The following DYNC1H1 variants were observed in gnomAD, a reference collection of about 807,000 sequenced individuals.
DYNC1H1 encodes the protein dynein cytoplasmic 1 heavy chain 1.
DYNC1H1 carries 51 observed loss-of-function variants against 527.1 expected under a neutral mutation model. The observed-to-expected ratio is 0.10, with a 90% confidence interval of 0.08 to 0.12. The LOEUF is 0.12. Ranked by LOEUF, DYNC1H1 falls within the 10% of genes least tolerant of loss-of-function variation. DYNC1H1 has a pLI of 1.00. For missense variants in DYNC1H1, 2,771 were observed against 5,971.8 expected (o/e 0.46, Z 17.66); for synonymous variants, 2,189 against 2,278.8 (o/e 0.96, Z 1.12).
rs2152589085 is a variant in DYNC1H1 at position 102,027,538 on chromosome 14, T to C, written c.9042T>C (p.Asn3014=). The part of the protein sequence containing the change: ...FLERMNTLLA[N]GEVPGLFEGD... ...AGCGAATGAATACCCTTCTGGCCAA[T>C]GGAGAGGTAATTAGGTGACGTGTTG... The change falls in exon 46 of 78, where the codon AAT becomes AAC. Residue 3014 remains asparagine (N), a synonymous_variant. Coordinates refer to ENST00000360184, the MANE Select transcript of DYNC1H1 (RefSeq NM_001376.5). This position sits in a 1 kb window ranked among gnomAD's most constrained non-coding sequence, Gnocchi z 7.7. The C allele has an allele frequency of 1.2e-6, 2 of 1,614,108 alleles. No individual in the cohort carries two copies. Among genetic ancestry groups the C allele is most frequent in the African/African-American group, 1.3e-5 (1 of 75,020 alleles).
At chr14:102,026,042 G>A (rs1384452066) in intron 43 of DYNC1H1, among the ~76,000 whole-genome samples, 6 of 151,424 alleles carry the variant, frequency 4.0e-5, no homozygotes. Context: ...TTGAACCCAG[G>A]AGGCGGAGGT....
In DYNC1H1 at chr14:102,018,812, C is replaced by T. The variant is rs540288075; in HGVS notation, c.8343+196C>T. On this transcript the variant is annotated intron_variant, in intron 41 of 77. Transcript: ENST00000360184. The surrounding 1 kb of genome is among the most constrained non-coding windows in gnomAD (Gnocchi z 5.2). ...CCTGTCTCTACAAAAAATAGGTGGG[C>T]GTGGTGGTGCATGCTTGTAATGTCA... Among the ~76,000 whole-genome samples the T allele has an allele frequency of 1.8e-4, 28 of 152,080 alleles. No individual in the cohort carries two copies. Among genetic ancestry groups the T allele is most frequent in the African/African-American group, 4.3e-4 (18 of 41,476 alleles).
At position 102,044,757 on chromosome 14, in the gene DYNC1H1, G is replaced by C; in HGVS notation, c.13006+59G>C. 1 of 1,584,836 alleles carries C rather than the reference G, an allele frequency of 6.3e-7. No homozygotes were observed. The highest frequency in any genetic ancestry group is 8.6e-7 in the Non-Finnish European group (1 of 1,158,278). On this transcript the variant is annotated intron_variant, in intron 72 of 77. Coordinates refer to ENST00000360184, the MANE Select transcript of DYNC1H1 (RefSeq NM_001376.5). This position sits in a 1 kb window ranked among gnomAD's most constrained non-coding sequence, Gnocchi z 7.1. Reference sequence around the variant, plus strand: ...GGGTGGCGAGGGTCCCCTCACGCGGGGTGGGTGGCGAGGGTCCCCACACGC... The same window carrying C: ...GGGTGGCGAGGGTCCCCTCACGCGGCGTGGGTGGCGAGGGTCCCCACACGC...
At position 102,042,326 on chromosome 14, in the gene DYNC1H1, C is replaced by T. The variant is rs199781611; in HGVS notation, c.12275+38C>T. On this transcript the variant is annotated intron_variant, in intron 67 of 77. Transcript: ENST00000360184. This position sits in a 1 kb window ranked among gnomAD's most constrained non-coding sequence, Gnocchi z 5.7. ...TCTTTGGCTGAAGAAAGCCTTAGTCCCCAGGCATTCAGGCAGGCAGCCTGG... is the reference window on the plus strand; with the variant it reads ...TCTTTGGCTGAAGAAAGCCTTAGTCTCCAGGCATTCAGGCAGGCAGCCTGG... 120 of 1,613,986 alleles carry T rather than the reference C, an allele frequency of 7.4e-5. 1 individual carries two copies. The highest frequency in any genetic ancestry group is 8.7e-5 in the Non-Finnish European group (103 of 1,180,042).
rs2141289486 is a variant in DYNC1H1, at chr14:102,005,764, A to G, written c.5434-124A>G. The G allele has an allele frequency of 8.0e-7, 1 of 1,242,854 alleles. No homozygotes were observed. The highest frequency in any genetic ancestry group is 1.3e-5 in the South Asian group (1 of 79,906). 77.0% of individuals were successfully genotyped at this position (1,242,854 alleles called of 1,614,324 possible). A position where few individuals can be genotyped will look rare whatever the true frequency, so the allele number is the denominator to read the frequency against. On this transcript the variant is annotated intron_variant, in intron 26 of 77. Coordinates refer to ENST00000360184, the MANE Select transcript of DYNC1H1 (RefSeq NM_001376.5). This position sits in a 1 kb window ranked among gnomAD's most constrained non-coding sequence, Gnocchi z 4.0. ...TGAAAGTGAATTTGCCTTTTGGAACATTTACTGAAAGCCATTGTAACTGGA... is the reference window on the plus strand; with the variant it reads ...TGAAAGTGAATTTGCCTTTTGGAACGTTTACTGAAAGCCATTGTAACTGGA...
chr14:101,993,685 C>G (rs914178738), intron 11 of DYNC1H1, among the ~76,000 whole-genome samples: 16 of 152,182 alleles, frequency 1.1e-4, no homozygotes, highest in African/African-American at 3.9e-4. Context: ...CTCAGCAAGG[C>G]CTTTCCTGAC....
rs1444691586 is a variant in DYNC1H1 at position 102,042,774 on chromosome 14, C to G, written c.12513+26C>G. The G allele has an allele frequency of 4.3e-6, 7 of 1,612,176 alleles. No individual in the cohort carries two copies. The highest frequency in any genetic ancestry group is 1.7e-6 in the Non-Finnish European group (2 of 1,178,858). Reference sequence around the variant, plus strand: ...GTAAGTACCTTGTCCTCCTGGTATGCTTTCCCCATAGAAGCTAAAGCCCAG... The same window carrying G: ...GTAAGTACCTTGTCCTCCTGGTATGGTTTCCCCATAGAAGCTAAAGCCCAG... On this transcript the variant is annotated intron_variant, in intron 69 of 77. Coordinates refer to ENST00000360184, the MANE Select transcript of DYNC1H1 (RefSeq NM_001376.5). The surrounding 1 kb of genome is among the most constrained non-coding windows in gnomAD (Gnocchi z 5.7).
chr14:101,997,046 T>G lies in DYNC1H1; in HGVS notation c.3576T>G (p.Asn1192Lys), dbSNP rs2099265089. Reference protein sequence around the residue: ...QFEKQVELYRNGQRLLEKQRF... With the variant: ...QFEKQVELYRKGQRLLEKQRF... ...TTTAACTCTCAAAGCTCTACCGCAA[T>G]GGCCAGCGCTTACTGGAAAAGCAAA... is the stretch of plus-strand genomic sequence containing the variant. The change falls in exon 16 of 78, where the codon AAT becomes AAG. Residue 1192 changes from asparagine to lysine, a missense_variant. Physicochemically the swap from Asn to Lys is moderately conservative, Grantham distance 94. Coordinates refer to ENST00000360184, the MANE Select transcript of DYNC1H1 (RefSeq NM_001376.5). The surrounding 1 kb of genome is among the most constrained non-coding windows in gnomAD (Gnocchi z 4.8). 6.2e-7 allele frequency: 1 copy of G among 1,614,014 alleles called. No individual in the cohort carries two copies.
In DYNC1H1 at chr14:102,042,753, G is replaced by C. The variant is rs2048667462; in HGVS notation, c.12513+5G>C. ...CCCGTCTCACGGATATGCAAGGTAA[G>C]TACCTTGTCCTCCTGGTATGCTTTC... On this transcript the variant is annotated splice_donor_5th_base_variant and intron_variant, in intron 69 of 77. Coordinates refer to ENST00000360184, the MANE Select transcript of DYNC1H1 (RefSeq NM_001376.5). This position sits in a 1 kb window ranked among gnomAD's most constrained non-coding sequence, Gnocchi z 5.7. The C allele has an allele frequency of 6.2e-7, 1 of 1,613,398 alleles. No individual in the cohort carries two copies. Among genetic ancestry groups the C allele is most frequent in the Admixed American group, 1.7e-5 (1 of 60,002 alleles).
chr14:102,047,635 G>GTA lies in DYNC1H1; in HGVS notation c.13007-181_13007-180insAT, dbSNP rs1434959122. The GTA allele has an allele frequency of 9.5e-3, 3,772 of 398,464 alleles. 137 individuals carry two copies. Among genetic ancestry groups the GTA allele is most frequent in the African/African-American group, 0.084 (1,951 of 23,344 alleles). 24.7% of individuals were successfully genotyped at this position (398,464 alleles called of 1,614,324 possible). ...TATATATACACGTGTGTGTGTGTGT[G>GTA]TGTGTGTATATATATATATATATAT... On this transcript the variant is annotated intron_variant, in intron 72 of 77. Coordinates refer to ENST00000360184, the MANE Select transcript of DYNC1H1 (RefSeq NM_001376.5).
chr14:102,005,230 A>G lies in DYNC1H1; in HGVS notation c.5427A>G (p.Glu1809=), dbSNP rs2048183675. 6.2e-7 allele frequency: 1 copy of G among 1,614,172 alleles called. No homozygotes were observed. Among genetic ancestry groups the G allele is most frequent in the African/African-American group, 1.3e-5 (1 of 75,048 alleles). ...CCCCACTCCGAAGGCGGAAGCTAGA[A>G]CACTTGGTTAGTCTCACACCTGACT... ...EQPPLRRRKL[E]HLITELVHQR... Residue 1809 remains glutamate, a synonymous_variant, in exon 26 of 78, where the codon GAA becomes GAG. Transcript: ENST00000360184. This position sits in a 1 kb window ranked among gnomAD's most constrained non-coding sequence, Gnocchi z 4.0.
At chr14:102,004,337 T>A (rs1406286810) in intron 23 of DYNC1H1, among the ~76,000 whole-genome samples, 181 bp from the exon 24 acceptor site, 1 of 152,208 alleles carries the variant, frequency 6.6e-6, no homozygotes, top group Non-Finnish European at 1.5e-5. Context: ...CAAGATCTTG[T>A]TAGGTAAGTG....
chr14:102,019,896 A>G lies in DYNC1H1; in HGVS notation c.8347A>G (p.Arg2783Gly). The G allele has an allele frequency of 6.2e-7, 1 of 1,614,120 alleles. No homozygotes were observed. Among genetic ancestry groups the G allele is most frequent in the African/African-American group, 1.3e-5 (1 of 75,016 alleles). The change falls in exon 42 of 78, where the codon AGA becomes GGA. Residue 2783 changes from arginine (R) to glycine (G), a missense_variant. Physicochemically the swap from Arg to Gly is moderately radical, Grantham distance 125 (BLOSUM62 -2). Transcript: ENST00000360184. Reference protein sequence around the residue: ...MVEFYTMSQERFTQDTQPHYI... With the variant: ...MVEFYTMSQEGFTQDTQPHYI... ...TCCATTTTTCTCATTGCCATAGGAG[A>G]GATTCACCCAGGATACACAACCTCA...
Position 102,029,992 on chromosome 14 carries a change from T to C in DYNC1H1, c.9762+54T>C, listed in dbSNP as rs544068816. On this transcript the variant is annotated intron_variant, in intron 50 of 77. Coordinates refer to ENST00000360184, the MANE Select transcript of DYNC1H1 (RefSeq NM_001376.5). The surrounding 1 kb of genome is among the most constrained non-coding windows in gnomAD (Gnocchi z 5.3). ...AGGACTGAGCATTTTCAGTCTCCAA[T>C]GAGAGAGTAGGAAATGTAGTTCCAA... The C allele has an allele frequency of 1.2e-6, 2 of 1,613,324 alleles. No homozygotes were observed. Among genetic ancestry groups the C allele is most frequent in the Non-Finnish European group, 8.5e-7 (1 of 1,179,856 alleles).
At chr14:102,043,152 G>A (rs921458620) in intron 69 of DYNC1H1, 11 of 329,282 alleles carry the variant, frequency 3.3e-5, no homozygotes, top group African/African-American at 6.5e-5. Flanking sequence ...GCGTGGTGGC[G>A]TGCGCCTATA....
intron 29 of DYNC1H1, 53 bp from the exon 30 acceptor site, chr14:102,009,790 T>G: frequency 6.2e-7 from 1 of 1,612,954 alleles, no homozygotes; most frequent in South Asian, 1.1e-5. Flanking sequence ...TAGAATGCAT[T>G]TTGTTTTTTT....
chr14:101,982,145 G>C (rs145825703), intron 5 of DYNC1H1, among the ~76,000 whole-genome samples: 58 of 152,258 alleles, frequency 3.8e-4, no homozygotes, highest in African/African-American at 1.3e-3. Flanking sequence ...CTGCGCACGC[G>C]AGGGATGTAG....
In DYNC1H1 at chr14:102,042,614, T is replaced by G. The variant is rs2048666007; in HGVS notation, c.12400-21T>G. 1 of 1,613,958 alleles carries G rather than the reference T, an allele frequency of 6.2e-7. No individual in the cohort carries two copies. The highest frequency in any genetic ancestry group is 1.1e-5 in the South Asian group (1 of 91,058). ...GCCCTCATCCACACCCGAGCATAAC[T>G]GGAACGGCGCTCTCCCTTAGGTGCC... On this transcript the variant is annotated intron_variant, in intron 68 of 77. Coordinates refer to ENST00000360184, the MANE Select transcript of DYNC1H1 (RefSeq NM_001376.5). The surrounding 1 kb of genome is among the most constrained non-coding windows in gnomAD (Gnocchi z 5.7).
chr14:102,048,206 T>A, intron 73 of DYNC1H1, 178 bp downstream of exon 73: 1 of 846,312 alleles, frequency 1.2e-6, no homozygotes, highest in Non-Finnish European at 1.8e-6. Flanking sequence ...GAGTTGGCCC[T>A]TTTGAAATGG....
Sources: allele counts gnomAD v4.1 joint callset (sites outside exome capture counted in the v4.1 genomes callset), GRCh38; gene constraint gnomAD v4.1.1; non-coding constraint Gnocchi (gnomAD v3.1); transcripts MANE v1.5; gene names NCBI Gene and HGNC (gene_info 2026-07-23, HGNC 2026-07-21).